ZNF331: variants seen among roughly 807,000 people sequenced by gnomAD.
The protein encoded by ZNF331 is zinc finger protein 331, also known as C2H2-like zinc finger protein rearranged in thyroid adenomas.
Under a neutral mutation model 7.0 loss-of-function variants are expected in ZNF331, and 2 were observed. The observed-to-expected ratio is 0.29, with a 90% CI of 0.12 to 0.90. The LOEUF is 0.90. ZNF331 is among the 40% of genes least tolerant of loss of function. The probability of loss-of-function intolerance (pLI) is 0.58; values close to 1 mark genes in which losing one functional copy is unlikely to be tolerated. For synonymous variants in ZNF331, 196 were observed against 205.4 expected (o/e 0.95, Z 0.39); for missense variants, 432 against 587.7 (o/e 0.74, Z 2.74).
At chr19:53,504,097 G>T in the ZNF331 span, 2 of 378,516 alleles carry the variant, frequency 5.3e-6, no homozygotes, top group Non-Finnish European at 1.0e-5. Context: ...CATCCTCCTG[G>T]TGAGCACGTT....
chr19:53,557,562 C>A (rs1399238626), intron 3 of ZNF331, among the ~76,000 whole-genome samples: 1 of 152,170 alleles, frequency 6.6e-6, no homozygotes, highest in African/African-American at 2.4e-5. Context: ...TTAGTTTTGT[C>A]AGGTATCTTC....
At chr19:53,555,488 G>A (rs2089330430) in intron 2 of ZNF331, 1 of 152,512 alleles carries the variant, frequency 6.6e-6, no homozygotes, top group Non-Finnish European at 1.5e-5. Flanking sequence ...TCCTAACCAA[G>A]CGGTACCTGC....
intron 2 of ZNF331, among the ~76,000 whole-genome samples, chr19:53,544,089 TG>T (rs60439582): frequency 0.018 from 2,753 of 150,926 alleles, 74 homozygotes; most frequent in African/African-American, 0.063. Flanking sequence ...TGGCTGGGCG[TG>T]GTGGCATGCA....
chr19:53,550,930 C>T (rs748707717), intron 2 of ZNF331, among the ~76,000 whole-genome samples: 3 of 151,278 alleles, frequency 2.0e-5, no homozygotes, highest in African/African-American at 7.3e-5. Flanking sequence ...GCCCAACCTC[C>T]GCCTCCCGGG....
At position 53,577,781 on chromosome 19, in the gene ZNF331, G is replaced by A. The variant is rs1449278521; in HGVS notation, c.1221G>A (p.Gly407=). The change falls in exon 6 of 6, where the codon GGG becomes GGA. Residue 407 remains glycine, a synonymous_variant. Coordinates refer to ENST00000449416, the MANE Select transcript of ZNF331 (RefSeq NM_001079906.2). ...TGAAACATGAGAGAATTCATACCGGGGTGAAACCCTATGGGTGTACAGAAT... is the reference window on the plus strand; with the variant it reads ...TGAAACATGAGAGAATTCATACCGGAGTGAAACCCTATGGGTGTACAGAAT... ...SLVKHERIHT[G]VKPYGCTECG... 3.1e-6 allele frequency: 5 copies of A among 1,613,686 alleles called. No individual in the cohort carries two copies. The highest frequency in any genetic ancestry group is 4.2e-6 in the Non-Finnish European group (5 of 1,179,788).
At chr19:53,506,993 C>G in the ZNF331 span, among the ~76,000 whole-genome samples, 1 of 152,180 alleles carries the variant, frequency 6.6e-6, no homozygotes, top group Non-Finnish European at 1.5e-5. Context: ...GAGTTGCTCT[C>G]AATCTTCCTG....
rs1299290477 is a variant in ZNF331, at chr19:53,578,783, C to G, written c.*831C>G. On this transcript the variant is annotated 3_prime_UTR_variant, in exon 6 of 6. Transcript: ENST00000449416. The stretch of plus-strand genomic sequence containing the variant: ...TGGTACAGTTTAACGTAAGGCTTCA[C>G]TGATCACTGTTGTTTTTGTTTTTGT... 4.9e-6 allele frequency: 1 copy of G among 204,556 alleles called. No individual in the cohort carries two copies. The highest frequency in any genetic ancestry group is 2.3e-5 in the African/African-American group (1 of 43,664). The allele number at this position is 204,556 out of a possible 1,614,324, so 12.7% of individuals were successfully genotyped here.
intron 4 of ZNF331, among the ~76,000 whole-genome samples, chr19:53,570,546 T>C (rs75088424): frequency 2.0e-5 from 3 of 152,116 alleles, no homozygotes; most frequent in Non-Finnish European, 2.9e-5. Context: ...TTTTTTTTTT[T>C]CTTGGGACGG....
chr19:53,505,841 T>C, the ZNF331 span, among the ~76,000 whole-genome samples: 2 of 148,754 alleles, frequency 1.3e-5, no homozygotes, highest in East Asian at 2.0e-4. Context: ...AAAAATTAGC[T>C]GGGCGTGGTG....
At chr19:53,562,786 G>A (rs767553117) in intron 3 of ZNF331, among the ~76,000 whole-genome samples, 18 of 151,534 alleles carry the variant, frequency 1.2e-4, no homozygotes, top group Non-Finnish European at 2.4e-4. Context: ...TCAGGAGTTC[G>A]AGACCATACT....
chr19:53,545,457 C>T (rs183951148), intron 2 of ZNF331, among the ~76,000 whole-genome samples: 2 of 152,194 alleles, frequency 1.3e-5, no homozygotes, highest in African/African-American at 4.8e-5. Context: ...AGGTGACGCC[C>T]CAGAGGGCCT....
chr19:53,577,041 T>G lies in ZNF331; in HGVS notation c.481T>G (p.Cys161Gly). ...KIHTGEKPYE[C>G]KECKKAFRWG... ...CCATACTGGTGAGAAACCTTATGAATGTAAAGAATGTAAGAAGGCCTTCCG... is the reference window on the plus strand; with the variant it reads ...CCATACTGGTGAGAAACCTTATGAAGGTAAAGAATGTAAGAAGGCCTTCCG... The change falls in exon 6 of 6, where the codon TGT (cysteine) becomes GGT (glycine). Residue 161 changes from cysteine to glycine, a missense_variant. Transcript: ENST00000449416. The G allele has an allele frequency of 6.2e-7, 1 of 1,613,512 alleles. No homozygotes were observed. Among genetic ancestry groups the G allele is most frequent in the Non-Finnish European group, 8.5e-7 (1 of 1,179,754 alleles).
At chr19:53,544,450 C>A (rs1275687087) in intron 2 of ZNF331, among the ~76,000 whole-genome samples, 1 of 148,034 alleles carries the variant, frequency 6.8e-6, no homozygotes, top group African/African-American at 2.5e-5. Flanking sequence ...GAGGCTGAGG[C>A]AGGAGAATGG....
At chr19:53,544,327 C>T (rs1241663054) in intron 2 of ZNF331, among the ~76,000 whole-genome samples, 9 of 151,150 alleles carry the variant, frequency 6.0e-5, no homozygotes, top group South Asian at 2.1e-4. Flanking sequence ...GGGCGGATCA[C>T]GAGGTCAGGA....
intron 5 of ZNF331, 85 bp from the exon 6 acceptor site, chr19:53,576,612 C>A: frequency 8.4e-7 from 1 of 1,189,882 alleles, no homozygotes; most frequent in South Asian, 1.5e-5. Context: ...ATTTTTATTT[C>A]TATTAGACGA....
the ZNF331 span, chr19:53,503,440 T>G: frequency 6.5e-6 from 4 of 611,648 alleles, no homozygotes; most frequent in Non-Finnish European, 1.2e-5. Context: ...TCGCAGACTG[T>G]ACTTGGAATC....
upstream of ZNF331, among the ~76,000 whole-genome samples, chr19:53,515,176 C>A (rs2086873503): frequency 1.3e-5 from 2 of 152,158 alleles, no homozygotes; most frequent in Non-Finnish European, 2.9e-5. Flanking sequence ...ATTTAGTTCT[C>A]CTGCTCCGCG....
At chr19:53,509,074 G>C in the ZNF331 span, among the ~76,000 whole-genome samples, 2 of 152,128 alleles carry the variant, frequency 1.3e-5, no homozygotes, top group African/African-American at 2.4e-5. Context: ...GGCCAGGACT[G>C]TGTTAGTTTC....
the ZNF331 span, among the ~76,000 whole-genome samples, chr19:53,506,411 C>CTCTCTCTCTCT: frequency 1.3e-5 from 1 of 74,414 alleles, no homozygotes; most frequent in African/African-American, 6.4e-5. Flanking sequence ...CTCTCTCTCT[C>CTCTCTCTCTCT]CTCTCTCTCT....
Sources: allele counts gnomAD v4.1 joint callset (sites outside exome capture counted in the v4.1 genomes callset), GRCh38; gene constraint gnomAD v4.1.1; transcripts MANE v1.5; gene names NCBI Gene and HGNC (gene_info 2026-07-23, HGNC 2026-07-21).